TMEM108: variants seen among roughly 807,000 people sequenced by gnomAD.
TMEM108 encodes the protein cancer/testis antigen 124.
A neutral mutation model predicts 35.1 loss-of-function variants in TMEM108; 12 were observed. The observed-to-expected ratio is 0.34, with a 90% CI of 0.22 to 0.55. TMEM108 has a LOEUF of 0.55. Among genes scored for constraint, TMEM108 ranks in the 20% least tolerant of loss-of-function variants. TMEM108 has a pLI of 0.89. For synonymous variants in TMEM108, 287 were observed against 308.6 expected, an observed-to-expected ratio of 0.93 and a Z score of 0.73; for missense variants, 680 against 753.3, an observed-to-expected ratio of 0.90 and a Z score of 1.14.
At chr3:133,058,669 A>G (rs967747050) in intron 2 of TMEM108, among the ~76,000 whole-genome samples, 32 of 152,346 alleles carry the variant, frequency 2.1e-4, no homozygotes, top group African/African-American at 7.2e-4. Flanking sequence ...CTGTTTCACA[A>G]TTCTGTTCCA....
chr3:133,084,316 A>G (rs1294176353), intron 2 of TMEM108, among the ~76,000 whole-genome samples: 1 of 152,172 alleles, frequency 6.6e-6, no homozygotes, highest in Admixed American at 6.5e-5. Context: ...CCCTTCAAAC[A>G]GACTTCTGTT....
At chr3:133,371,613 CAAAAAAAA>C (rs3054624) in intron 3 of TMEM108, among the ~76,000 whole-genome samples, 6 of 78,056 alleles carry the variant, frequency 7.7e-5, no homozygotes, top group African/African-American at 2.4e-4. Flanking sequence ...CACAAACCCA[CAAAAAAAA>C]AAAAAAAAAA....
intron 2 of TMEM108, among the ~76,000 whole-genome samples, chr3:133,073,510 C>CTCTCTCTCTCTCTCTCTCTCTA: frequency 1.2e-3 from 51 of 43,890 alleles, no homozygotes; most frequent in African/African-American, 1.4e-3. Context: ...CTCTCTCTCT[C>CTCTCTCTCTCTCTCTCTCTCTA]TATATATATA....
At chr3:133,350,369 AG>A (rs1308227056) in intron 3 of TMEM108, among the ~76,000 whole-genome samples, 1 of 152,156 alleles carries the variant, frequency 6.6e-6, no homozygotes, top group Non-Finnish European at 1.5e-5. Context: ...ATTGAACAGT[AG>A]GGTGACTATG....
intron 3 of TMEM108, among the ~76,000 whole-genome samples, chr3:133,376,711 A>G (rs910723638): frequency 5.3e-5 from 8 of 152,184 alleles, no homozygotes; most frequent in African/African-American, 9.7e-5. Context: ...GGACCAGCTC[A>G]TAACCTGCCC....
chr3:133,086,572 A>T (rs1943884512), intron 2 of TMEM108, among the ~76,000 whole-genome samples: 1 of 152,210 alleles, frequency 6.6e-6, no homozygotes, highest in African/African-American at 2.4e-5. Flanking sequence ...TTACGAGATG[A>T]GCATTTTTTA....
chr3:133,087,373 C>T (rs919743796), intron 2 of TMEM108, among the ~76,000 whole-genome samples: 4 of 152,208 alleles, frequency 2.6e-5, no homozygotes, highest in East Asian at 1.9e-4. Context: ...ATCTCCCAGG[C>T]TTCATGCCTT....
chr3:133,104,896 G>A (rs1944130873), intron 2 of TMEM108, among the ~76,000 whole-genome samples: 1 of 152,142 alleles, frequency 6.6e-6, no homozygotes, highest in Admixed American at 6.5e-5. Context: ...GGATTTCCCA[G>A]GCACAGGCAT....
chr3:133,060,421 G>T (rs369148877), intron 2 of TMEM108, among the ~76,000 whole-genome samples: 1 of 152,182 alleles, frequency 6.6e-6, no homozygotes, highest in Non-Finnish European at 1.5e-5. Context: ...TTTTGTGGGG[G>T]TGCTGAGAAA....
At position 133,069,978 on chromosome 3, in the gene TMEM108, A is replaced by G. The variant is rs146150157; in HGVS notation, c.-47+23958A>G. Among the ~76,000 whole-genome samples the G allele has an allele frequency of 1.4e-3, 209 of 152,208 alleles. 1 individual carries two copies. Among genetic ancestry groups the G allele is most frequent in the Non-Finnish European group, 1.7e-3 (113 of 68,010 alleles). On this transcript the variant is annotated intron_variant, in intron 2 of 5. Transcript: ENST00000321871. ...GTCTTTCTAAATTTCTCATCTTCCTATCAGAGCCCACTGCTGCATTTTTGC... is the reference window on the plus strand; with the variant it reads ...GTCTTTCTAAATTTCTCATCTTCCTGTCAGAGCCCACTGCTGCATTTTTGC...
chr3:133,211,176 TC>T (rs1019238829), intron 2 of TMEM108, among the ~76,000 whole-genome samples: 34 of 152,174 alleles, frequency 2.2e-4, no homozygotes, highest in African/African-American at 8.2e-4. Flanking sequence ...TATTGCCTCT[TC>T]AAAGCATGCC....
At chr3:133,391,639 C>G (rs2073236207) in intron 5 of TMEM108, among the ~76,000 whole-genome samples, 1 of 152,160 alleles carries the variant, frequency 6.6e-6, no homozygotes, top group Admixed American at 6.5e-5. Flanking sequence ...CTTCACAGCA[C>G]CAGGTTACAT....
chr3:133,209,973 A>G (rs1945813014), intron 2 of TMEM108, among the ~76,000 whole-genome samples: 1 of 152,172 alleles, frequency 6.6e-6, no homozygotes, highest in South Asian at 2.1e-4. Context: ...TATCAGAGTT[A>G]GAGATTGGGT....
At chr3:133,080,033 C>T (rs1012330042) in intron 2 of TMEM108, among the ~76,000 whole-genome samples, 2 of 152,128 alleles carry the variant, frequency 1.3e-5, no homozygotes, top group African/African-American at 4.8e-5. Flanking sequence ...GGGGAATGGA[C>T]TCTTTCCACA....
rs1437254898 is a variant in TMEM108 at position 133,342,544 on chromosome 3, G to GTGTATATATA, written c.41-37207_41-37206insGTATATATAT. The stretch of plus-strand genomic sequence containing the variant: ...TAAAAAAGTTAAAAAAGAAAATGTG[G>GTGTATATATA]TATATATATATACACACACACACAC... On this transcript the variant is annotated intron_variant, in intron 3 of 5. Coordinates refer to ENST00000321871, the MANE Select transcript of TMEM108 (RefSeq NM_023943.4). 5.4e-3 allele frequency among the ~76,000 whole-genome samples: 252 copies of GTGTATATATA among 46,658 alleles called. 41 individuals are homozygous for GTGTATATATA. Among genetic ancestry groups the GTGTATATATA allele is most frequent in the Middle Eastern group, 0.012 (1 of 84 alleles). The allele number at this position is 46,658 out of a possible 152,430, so 30.6% of individuals were successfully genotyped here.
At chr3:133,273,398 C>T (rs1946799119) in intron 3 of TMEM108, among the ~76,000 whole-genome samples, 1 of 152,016 alleles carries the variant, frequency 6.6e-6, no homozygotes, top group African/African-American at 2.4e-5. Flanking sequence ...GATTTTTATC[C>T]ATCACTTAAG....
At chr3:133,047,005 G>T (rs1342947820) in intron 2 of TMEM108, among the ~76,000 whole-genome samples, 2 of 152,124 alleles carry the variant, frequency 1.3e-5, no homozygotes, top group Admixed American at 6.5e-5. Context: ...GCTCAGTAAT[G>T]AGTACAATTT....
chr3:133,057,433 GTGTATATATA>G (rs1175763571), intron 2 of TMEM108, among the ~76,000 whole-genome samples: 276 of 24,666 alleles, frequency 0.011, 8 homozygotes, highest in African/African-American at 0.025. Flanking sequence ...GTGTGTGTGT[GTGTATATATA>G]TATATATATA....
At chr3:133,210,071 C>T (rs1393546968) in intron 2 of TMEM108, among the ~76,000 whole-genome samples, 1 of 152,172 alleles carries the variant, frequency 6.6e-6, no homozygotes, top group Non-Finnish European at 1.5e-5. Flanking sequence ...TGACTCACTC[C>T]TTTGCTGTTT....
Sources: gnomAD v4.1 joint callset for allele counts (sites outside exome capture counted in the v4.1 genomes callset) on GRCh38, gnomAD v4.1.1 for gene constraint, MANE v1.5 for transcripts, NCBI Gene and HGNC (gene_info 2026-07-23, HGNC 2026-07-21) for gene names.